The following ACP1 variants were observed in gnomAD, a reference collection of about 807,000 sequenced individuals.
The protein encoded by ACP1 is acid phosphatase 1.
ACP1 carries 23 observed loss-of-function variants against 23.4 expected under a neutral mutation model. The ratio of observed to expected loss-of-function variants is 0.98; its 90% CI spans 0.71 to 1.39. The LOEUF (loss-of-function observed/expected upper bound fraction) is 1.39, where lower values mean the gene tolerates loss of function less well. Among genes scored for constraint, ACP1 ranks in the 40% most tolerant of loss-of-function variants. ACP1 has a pLI of 0.00. For synonymous variants in ACP1, 72 were observed against 67.2 expected (o/e 1.07, Z -0.35); for missense variants, 180 against 197.7 (o/e 0.91, Z 0.54).
At chr2:267,276 T>G (rs1288781147) in intron 1 of ACP1, among the ~76,000 whole-genome samples, 3 of 152,200 alleles carry the variant, frequency 2.0e-5, no homozygotes, top group Non-Finnish European at 4.4e-5. Context: ...TTCCTCTAAG[T>G]GGTGTGGTGA....
intron 1 of ACP1, 93 bp from the exon 2 acceptor site, chr2:271,773 G>A: frequency 1.0e-6 from 1 of 971,460 alleles, no homozygotes; most frequent in Non-Finnish European, 1.7e-6. Flanking sequence ...GGATAGCACA[G>A]CCCCCGTGTG....
chr2:277,531 T>G lies in ACP1; in HGVS notation c.*227T>G. 1 of 558,386 alleles carries G rather than the reference T, an allele frequency of 1.8e-6. No individual in the cohort carries two copies. The highest frequency in any genetic ancestry group is 2.2e-5 in the South Asian group (1 of 45,832). 34.6% of individuals were successfully genotyped at this position (558,386 alleles called of 1,614,324 possible). ...ACAGCTTATGGGGTATTTTAAGCAT[T>G]CTTAGACTAGTTGAACATCTCACTT... On this transcript the variant is annotated 3_prime_UTR_variant, in exon 6 of 6. Coordinates refer to ENST00000272065, the MANE Select transcript of ACP1 (RefSeq NM_004300.4).
chr2:275,188 GA>G lies in ACP1; in HGVS notation c.283del (p.Ser95AlafsTer3). 6.5e-7 allele frequency: 1 copy of G among 1,536,296 alleles called. No individual in the cohort carries two copies. Among genetic ancestry groups the G allele is most frequent in the Middle Eastern group, 1.7e-4 (1 of 5,806 alleles). ...ATTTGATTATATACTATGTATGGAT[GA>G]AAGCAATCTGAGGTAATCCTGTTTT... ...ATFDYILCMD[E>X]SNLRDLNRKS... On this transcript the variant is annotated frameshift_variant, in exon 4 of 6. Coordinates refer to ENST00000272065, the MANE Select transcript of ACP1 (RefSeq NM_004300.4). LOFTEE classifies it high-confidence loss of function.
At chr2:268,003 G>A (rs963076587) in intron 1 of ACP1, among the ~76,000 whole-genome samples, 6 of 152,058 alleles carry the variant, frequency 3.9e-5, no homozygotes, top group South Asian at 2.1e-4. Flanking sequence ...TATTCTTACC[G>A]CTGTGGGCTG....
At chr2:265,414 C>T (rs1323187240) in intron 1 of ACP1, 1 of 170,956 alleles carries the variant, frequency 5.8e-6, no homozygotes, top group Non-Finnish European at 1.2e-5. Context: ...TTGCTAGTTT[C>T]CTTAGCCCAT....
intron 4 of ACP1, 64 bp from the exon 5 acceptor site, chr2:276,916 C>G: frequency 1.0e-6 from 1 of 964,100 alleles, no homozygotes; most frequent in Non-Finnish European, 1.6e-6. Context: ...AACACCCTAG[C>G]AGATGTCCCT....
At position 267,444 on chromosome 2, in the gene ACP1, G is replaced by A. The variant is rs1164813991; in HGVS notation, c.43+2437G>A. On this transcript the variant is annotated intron_variant, in intron 1 of 5. Transcript: ENST00000272065. ...GTGCAGTTTTGAGTGGGATGGTCAG[G>A]GAAGGCCCCACCTGATAGATGACTT... 2.0e-5 allele frequency among the ~76,000 whole-genome samples: 3 copies of A among 152,204 alleles called. No individual in the cohort carries two copies. The East Asian group carries it at 5.8e-4, about 29-fold the overall frequency.
chr2:264,986 T>C lies in ACP1; in HGVS notation c.22T>C (p.Ser8Pro), dbSNP rs946016572. Reference protein sequence around the residue: MAEQATKSVLFVCLGNIC... With the variant: MAEQATKPVLFVCLGNIC... Reference sequence around the variant, plus strand: ...GAAGATGGCGGAACAGGCTACCAAGTCCGTGCTGTTTGTGTGTCTGGGTAA... The same window carrying C: ...GAAGATGGCGGAACAGGCTACCAAGCCCGTGCTGTTTGTGTGTCTGGGTAA... Residue 8 changes from serine to proline, a missense_variant, in exon 1 of 6, where the codon TCC (serine) becomes CCC (proline). Ser to Pro is a moderately conservative substitution (Grantham distance 74). Around this residue, in one of 3 missense-constraint regions of ACP1, gnomAD observed 132 missense variants for 124.1 expected, o/e 1.06. Coordinates refer to ENST00000272065, the MANE Select transcript of ACP1 (RefSeq NM_004300.4). 6.2e-7 allele frequency: 1 copy of C among 1,613,154 alleles called. No individual in the cohort carries two copies. Among genetic ancestry groups the C allele is most frequent in the Non-Finnish European group, 8.5e-7 (1 of 1,179,596 alleles).
intron 3 of ACP1, chr2:272,423 C>T: frequency 6.8e-7 from 1 of 1,466,032 alleles, no homozygotes; most frequent in Non-Finnish European, 9.0e-7. Context: ...GCTTAACCAG[C>T]TATGGTGTGT....
In ACP1 at chr2:265,575, C is replaced by T. The variant is rs114707038; in HGVS notation, c.43+568C>T. Among the ~76,000 whole-genome samples, 1,123 of 140,334 alleles carry T rather than the reference C, an allele frequency of 8.0e-3. 9 individuals carry two copies. Among genetic ancestry groups the T allele is most frequent in the African/African-American group, 0.026 (1,060 of 40,274 alleles). 92.1% of individuals were successfully genotyped at this position (140,334 alleles called of 152,430 possible). On this transcript the variant is annotated intron_variant, in intron 1 of 5. Transcript: ENST00000272065. ...TATTTTATTAATGGCTTTTCAGGAA[C>T]TTTCCAGCTTAAATTATTTTCACTC...
intron 4 of ACP1, among the ~76,000 whole-genome samples, chr2:276,213 G>A (rs539472943): frequency 3.3e-5 from 5 of 152,180 alleles, no homozygotes; most frequent in South Asian, 4.1e-4. Context: ...TTTGCCCCTC[G>A]TGGGTCAGCT....
At chr2:276,212 C>T (rs1311959931) in intron 4 of ACP1, among the ~76,000 whole-genome samples, 1 of 152,090 alleles carries the variant, frequency 6.6e-6, no homozygotes, top group Non-Finnish European at 1.5e-5. Flanking sequence ...ATTTGCCCCT[C>T]GTGGGTCAGC....
chr2:272,015 T>G, intron 2 of ACP1, 22 bp from the exon 3 acceptor site: 1 of 1,548,396 alleles, frequency 6.5e-7, no homozygotes, highest in Non-Finnish European at 8.8e-7. Context: ...AAAAAAAAAA[T>G]TCCATGTTTC....
rs762685125 is a variant in ACP1, at chr2:275,121, ACTT to A, written c.232-15_232-13del. On this transcript the variant is annotated splice_polypyrimidine_tract_variant and intron_variant, in intron 3 of 5. Transcript: ENST00000272065. ...TGAATGGTATAAACACTGTGTTTTGACTTCTTATTCAATTTTAGATTACCAAAG... is the reference window on the plus strand; with the variant it reads ...TGAATGGTATAAACACTGTGTTTTGACTTATTCAATTTTAGATTACCAAAG... The A allele has an allele frequency of 7.2e-7, 1 of 1,393,992 alleles. No homozygotes were observed. Among genetic ancestry groups the A allele is most frequent in the Non-Finnish European group, 1.0e-6 (1 of 995,998 alleles). 86.4% of individuals were successfully genotyped at this position (1,393,992 alleles called of 1,614,324 possible).
intron 1 of ACP1, among the ~76,000 whole-genome samples, chr2:268,257 T>C (rs1267298073): frequency 1.3e-5 from 2 of 152,252 alleles, no homozygotes; most frequent in African/African-American, 4.8e-5. Flanking sequence ...AAATGGCATT[T>C]TACTTGGTAG....
At position 265,138 on chromosome 2, in the gene ACP1, G is replaced by A. The variant is rs1407515771; in HGVS notation, c.43+131G>A. The A allele has an allele frequency of 3.4e-5, 36 of 1,060,764 alleles. 1 individual carries two copies. Among genetic ancestry groups the A allele is most frequent in the East Asian group, 5.7e-5 (2 of 34,812 alleles). 65.7% of individuals were successfully genotyped at this position (1,060,764 alleles called of 1,614,324 possible). A position where few individuals can be genotyped will look rare whatever the true frequency, so the allele number is the denominator to read the frequency against. On this transcript the variant is annotated intron_variant, in intron 1 of 5. Coordinates refer to ENST00000272065, the MANE Select transcript of ACP1 (RefSeq NM_004300.4). ...GGCCAGGGACTGGGAGGCCTAGGGT[G>A]TTCTAGGAGTGTGCCGCAGCGCCCC...
intron 4 of ACP1, 44 bp from the exon 5 acceptor site, chr2:276,936 G>GA (rs766923706): frequency 7.9e-7 from 1 of 1,272,834 alleles, no homozygotes; most frequent in South Asian, 1.3e-5. Context: ...TGTTTAACTT[G>GA]AAACCATAGA....
At chr2:270,344 G>A (rs1195818382) in intron 1 of ACP1, among the ~76,000 whole-genome samples, 1 of 152,152 alleles carries the variant, frequency 6.6e-6, no homozygotes, top group Non-Finnish European at 1.5e-5. Flanking sequence ...ATACCAGCCC[G>A]TCAGTTTCCA....
intron 4 of ACP1, among the ~76,000 whole-genome samples, chr2:276,140 A>G (rs1670164807): frequency 6.6e-6 from 1 of 152,026 alleles, no homozygotes; most frequent in Non-Finnish European, 1.5e-5. Flanking sequence ...GCAGCCTCAC[A>G]TTTGCACGTG....
Sources: gnomAD v4.1 joint callset for allele counts (sites outside exome capture counted in the v4.1 genomes callset) on GRCh38, gnomAD v4.1.1 for gene constraint, gnomAD v4.1.1 regional missense constraint, MANE v1.5 for transcripts, NCBI Gene and HGNC (gene_info 2026-07-23, HGNC 2026-07-21) for gene names.